ARHGEF1: variants seen among roughly 807,000 people sequenced by gnomAD.
ARHGEF1 encodes the protein Rho guanine nucleotide exchange factor 1.
A neutral mutation model predicts 119.7 loss-of-function variants in ARHGEF1; 40 were observed. The observed-to-expected ratio is 0.33, with a 90% CI of 0.26 to 0.44. The LOEUF is 0.44. ARHGEF1 is among the 20% of genes least tolerant of loss of function. The pLI is 1.00. For synonymous variants in ARHGEF1, 494 were observed against 521.0 expected (o/e 0.95, Z 0.71); for missense variants, 976 against 1,268.3 (o/e 0.77, Z 3.50).
intron 14 of ARHGEF1, among the ~76,000 whole-genome samples, chr19:41,899,506 T>A (rs2074564248): frequency 1.1e-5 from 1 of 90,904 alleles, no homozygotes; most frequent in South Asian, 3.3e-4. Flanking sequence ...AAGAGAAAGC[T>A]TTTTTTTTTT....
downstream of ARHGEF1, among the ~76,000 whole-genome samples, chr19:41,911,241 C>T (rs1323918457): frequency 2.6e-5 from 4 of 152,184 alleles, no homozygotes; most frequent in Non-Finnish European, 5.9e-5. Flanking sequence ...ATCTCATCTC[C>T]CATGCAGAAG....
At position 41,904,481 on chromosome 19, in the gene ARHGEF1, C is replaced by A; in HGVS notation, c.2161+98C>A. 1.5e-6 allele frequency: 2 copies of A among 1,368,754 alleles called. No individual in the cohort carries two copies. Among genetic ancestry groups the A allele is most frequent in the Non-Finnish European group, 1.9e-6 (2 of 1,032,724 alleles). The allele number at this position is 1,368,754 out of a possible 1,614,324, so 84.8% of individuals were successfully genotyped here. ...CAGAACCCTCTAGAGAGCCAGGGAG[C>A]CAGCATTCTAGCAAAGAGGTTGAGA... On this transcript the variant is annotated intron_variant, in intron 22 of 28. Coordinates refer to ENST00000354532, the MANE Select transcript of ARHGEF1 (RefSeq NM_004706.4). The surrounding 1 kb of genome is among the most constrained non-coding windows in gnomAD (Gnocchi z 8.4).
At chr19:41,914,560 ACCATCTCTGTCT>A (rs1447934603) in intron 18 of ARHGEF1, among the ~76,000 whole-genome samples, 70 of 65,402 alleles carry the variant, frequency 1.1e-3, no homozygotes, top group Non-Finnish European at 1.3e-3. Flanking sequence ...CTCCCCTTCC[ACCATCTCTGTCT>A]CCGTCTCTCC....
intron 1 of ARHGEF1, among the ~76,000 whole-genome samples, chr19:41,886,536 C>T (rs1555845281): frequency 6.6e-6 from 1 of 152,212 alleles, no homozygotes; most frequent in African/African-American, 2.4e-5. Flanking sequence ...CCACCTTGGC[C>T]TCCCAAAGTG....
downstream of ARHGEF1, chr19:41,908,326 TCTC>T: frequency 8.1e-7 from 1 of 1,231,446 alleles, no homozygotes; most frequent in Middle Eastern, 3.1e-4. This position sits in a 1 kb window ranked among gnomAD's most constrained non-coding sequence, Gnocchi z 6.7. Flanking sequence ...ACGTCGGTGA[TCTC>T]CAGCTCCGAG....
chr19:41,926,682 C>A, intron 1 of ARHGEF1, among the ~76,000 whole-genome samples: 1 of 150,412 alleles, frequency 6.6e-6, no homozygotes, highest in South Asian at 2.2e-4. Context: ...CTTGGCGATG[C>A]GGAGCGCGTC....
chr19:41,926,790 C>G (rs1008800900), intron 1 of ARHGEF1, among the ~76,000 whole-genome samples: 3 of 152,142 alleles, frequency 2.0e-5, no homozygotes, highest in African/African-American at 4.8e-5. Flanking sequence ...CCAGAGCGAC[C>G]GATCGATTCG....
In ARHGEF1 at chr19:41,894,480, T is replaced by C; in HGVS notation, c.774T>C (p.Pro258=). The C allele has an allele frequency of 3.8e-6, 6 of 1,583,532 alleles. No individual in the cohort carries two copies. The highest frequency in any genetic ancestry group is 5.2e-6 in the Non-Finnish European group (6 of 1,162,456). Residue 258 remains proline (P), a synonymous_variant, in exon 10 of 29, where the codon CCT becomes CCC. Coordinates refer to ENST00000354532, the MANE Select transcript of ARHGEF1 (RefSeq NM_004706.4). The part of the protein sequence containing the change: ...KVMGNRRSDE[P]AKTKKGLSSI... ...TGGGGAACCGGCGGTCGGACGAGCC[T>C]GCCAAGACCAAGAAGGGGCTGAGCA...
chr19:41,928,811 C>T (rs1555853572), intron 1 of ARHGEF1: 2 of 428,802 alleles, frequency 4.7e-6, no homozygotes, highest in South Asian at 1.6e-5. Flanking sequence ...CCCTTCTCCT[C>T]CGCCCCGCTC....
downstream of ARHGEF1, chr19:41,907,615 C>T (rs1021770376): frequency 2.5e-5 from 14 of 556,900 alleles, no homozygotes; most frequent in Non-Finnish European, 3.7e-5. Context: ...CCAGGCACTC[C>T]GTACACACAC....
chr19:41,907,868 G>T, downstream of ARHGEF1: 1 of 218,666 alleles, frequency 4.6e-6, no homozygotes, highest in Non-Finnish European at 8.7e-6. Context: ...GGGGTGTCAG[G>T]ACTGGGGCCA....
intron 1 of ARHGEF1, among the ~76,000 whole-genome samples, chr19:41,925,869 A>G (rs994037846): frequency 7.2e-5 from 11 of 151,870 alleles, no homozygotes; most frequent in Non-Finnish European, 1.6e-4. Context: ...ACTGTCACGG[A>G]GGAGGATGGG....
At position 41,907,381 on chromosome 19, in the gene ARHGEF1, C is replaced by G; in HGVS notation, c.*294C>G. 1 of 1,535,440 alleles carries G rather than the reference C, an allele frequency of 6.5e-7. No homozygotes were observed. The highest frequency in any genetic ancestry group is 8.7e-7 in the Non-Finnish European group (1 of 1,146,646). On this transcript the variant is annotated 3_prime_UTR_variant, in exon 29 of 29. Coordinates refer to ENST00000354532, the MANE Select transcript of ARHGEF1 (RefSeq NM_004706.4). ...TGGGGGCCACCCCTCCACCCCCACC[C>G]CCAAGTGCCTTCGCTCTGTTTTTAT...
chr19:41,888,895 G>A lies in ARHGEF1; in HGVS notation c.225+30G>A. On this transcript the variant is annotated intron_variant, in intron 4 of 28. Coordinates refer to ENST00000354532, the MANE Select transcript of ARHGEF1 (RefSeq NM_004706.4). This position sits in a 1 kb window ranked among gnomAD's most constrained non-coding sequence, Gnocchi z 5.1. ...GGGCAGGGCTGGGTGGGCACAGGGA[G>A]GGGTGGGGCTGGGACAGGCACAGCT... 1 of 1,578,836 alleles carries A rather than the reference G, an allele frequency of 6.3e-7. No individual in the cohort carries two copies. The highest frequency in any genetic ancestry group is 1.1e-5 in the South Asian group (1 of 89,772).
At chr19:41,897,380 C>T in intron 13 of ARHGEF1, 1 of 1,180,594 alleles carries the variant, frequency 8.5e-7, no homozygotes, top group African/African-American at 1.6e-5. Flanking sequence ...CCATTTCTCC[C>T]AGCCCCTCCC....
chr19:41,884,011 G>C (rs2074256460), intron 1 of ARHGEF1, among the ~76,000 whole-genome samples: 1 of 152,226 alleles, frequency 6.6e-6, no homozygotes, highest in African/African-American at 2.4e-5. Flanking sequence ...GGGGGTGGGA[G>C]ACGGAGGGGA....
chr19:41,896,051 C>T (rs1038033010), intron 12 of ARHGEF1, among the ~76,000 whole-genome samples: 1 of 152,212 alleles, frequency 6.6e-6, no homozygotes, highest in Non-Finnish European at 1.5e-5. Flanking sequence ...GTGGAGGCAG[C>T]ACAGAATCCA....
In ARHGEF1 at chr19:41,888,775, GT is replaced by G. The variant is rs782540908; in HGVS notation, c.137del (p.Phe46SerfsTer7). ...AGAACTCAGAAGAGCAAAACAGCCAGTTCCAGAGCCTGGAGCAGGTGAAGCG... is the reference window on the plus strand; with the variant it reads ...AGAACTCAGAAGAGCAAAACAGCCAGTCCAGAGCCTGGAGCAGGTGAAGCG... Reference protein sequence around the residue: ...ETNSEEQNSQFQSLEQVKRRP... With the variant: ...ETNSEEQNSQXQSLEQVKRRP... On this transcript the variant is annotated frameshift_variant, in exon 4 of 29. Coordinates refer to ENST00000354532, the MANE Select transcript of ARHGEF1 (RefSeq NM_004706.4). LOFTEE classifies it high-confidence loss of function. The surrounding 1 kb of genome is among the most constrained non-coding windows in gnomAD (Gnocchi z 5.1). The G allele has an allele frequency of 6.2e-7, 1 of 1,614,216 alleles. No individual in the cohort carries two copies.
Position 41,905,860 on chromosome 19 carries a change from G to A in ARHGEF1, c.2404+33G>A, listed in dbSNP as rs1555850072. ...CAGAGGGATGCTGGGTGAGGGGCCAGGTTGGGGCTGCCGGGTGAAGAGAGG... is the reference window on the plus strand; with the variant it reads ...CAGAGGGATGCTGGGTGAGGGGCCAAGTTGGGGCTGCCGGGTGAAGAGAGG... On this transcript the variant is annotated intron_variant, in intron 25 of 28. Transcript: ENST00000354532. This position sits in a 1 kb window ranked among gnomAD's most constrained non-coding sequence, Gnocchi z 6.4. 6.2e-7 allele frequency: 1 copy of A among 1,613,910 alleles called. No homozygotes were observed. Among genetic ancestry groups the A allele is most frequent in the African/African-American group, 1.3e-5 (1 of 74,916 alleles).
Sources: gnomAD v4.1 joint callset for allele counts (sites outside exome capture counted in the v4.1 genomes callset) on GRCh38, gnomAD v4.1.1 for gene constraint, Gnocchi (gnomAD v3.1) non-coding constraint, MANE v1.5 for transcripts, NCBI Gene and HGNC (gene_info 2026-07-23, HGNC 2026-07-21) for gene names.